The following STK33 variants were observed in gnomAD, a reference collection of about 807,000 sequenced individuals.
STK33 encodes the protein serine/threonine-protein kinase 33.
A neutral mutation model predicts 58.0 loss-of-function variants in STK33; 52 were observed. That is an observed-to-expected ratio of 0.90 (90% confidence interval 0.72 to 1.13). The LOEUF is 1.13. STK33 is among the 50% of genes most tolerant of loss of function. STK33 has a pLI of 0.00. For missense variants in STK33, 630 were observed against 604.2 expected, an observed-to-expected ratio of 1.04 and a Z score of -0.45; for synonymous variants, 215 against 200.1, an observed-to-expected ratio of 1.07 and a Z score of -0.63.
chr11:8,464,551 C>G (rs1390477604), intron 7 of STK33, among the ~76,000 whole-genome samples, 158 bp downstream of exon 7: 3 of 152,110 alleles, frequency 2.0e-5, no homozygotes, highest in Non-Finnish European at 2.9e-5. Flanking sequence ...TAGTCCCTTT[C>G]CGGGAGGCTA....
the STK33 span, among the ~76,000 whole-genome samples, chr11:8,366,187 G>A: frequency 6.6e-6 from 1 of 152,244 alleles, no homozygotes; most frequent in Admixed American, 6.5e-5. Context: ...TAGGCCTGGA[G>A]TGGGCCCATC....
At chr11:8,546,882 C>T (rs1955963733) in intron 1 of STK33, among the ~76,000 whole-genome samples, 1 of 152,164 alleles carries the variant, frequency 6.6e-6, no homozygotes, top group African/African-American at 2.4e-5. Context: ...GTAAATAGTG[C>T]TGCAATAAAC....
chr11:8,591,965 A>T (rs1477140847), intron 1 of STK33, among the ~76,000 whole-genome samples: 2 of 152,038 alleles, frequency 1.3e-5, no homozygotes, highest in African/African-American at 4.8e-5. Flanking sequence ...GTGCACATGT[A>T]CCCTAAAACT....
chr11:8,394,416 T>G (rs760919850), intron 15 of STK33, among the ~76,000 whole-genome samples: 1 of 152,248 alleles, frequency 6.6e-6, no homozygotes, highest in Non-Finnish European at 1.5e-5. Context: ...TACTTGGATT[T>G]TGAGTTATCA....
At chr11:8,530,087 G>C (rs1007448833) in intron 1 of STK33, among the ~76,000 whole-genome samples, 1 of 152,184 alleles carries the variant, frequency 6.6e-6, no homozygotes, top group Non-Finnish European at 1.5e-5. Flanking sequence ...GGATGGAAGA[G>C]AGGCTTTGCA....
intron 1 of STK33, among the ~76,000 whole-genome samples, chr11:8,550,810 T>C (rs1178826057): frequency 6.6e-6 from 1 of 152,156 alleles, no homozygotes; most frequent in Non-Finnish European, 1.5e-5. Flanking sequence ...ATTCCAAACT[T>C]TCCCACATTT....
chr11:8,426,351 C>T (rs1052166116), intron 14 of STK33, among the ~76,000 whole-genome samples: 14 of 152,224 alleles, frequency 9.2e-5, no homozygotes, highest in Admixed American at 5.2e-4. Context: ...TGTCCAGCTG[C>T]TTGTGCGTCT....
intron 14 of STK33, among the ~76,000 whole-genome samples, chr11:8,434,928 C>G (rs1943880359): frequency 6.6e-6 from 1 of 152,182 alleles, no homozygotes; most frequent in Admixed American, 6.6e-5. Context: ...GAGGGATAAG[C>G]AGTAGCCTTT....
intron 7 of STK33, 53 bp downstream of exon 7, chr11:8,464,656 C>T (rs1947952236): frequency 6.0e-6 from 8 of 1,340,954 alleles, no homozygotes; most frequent in Non-Finnish European, 8.6e-6. Context: ...ACTGTCCACA[C>T]CCACCCTGCA....
intron 8 of STK33, among the ~76,000 whole-genome samples, chr11:8,459,635 G>A (rs1442017968): frequency 1.3e-5 from 2 of 152,128 alleles, no homozygotes; most frequent in Non-Finnish European, 2.9e-5. Flanking sequence ...CTAGCTTGCT[G>A]TCTAGGGAGT....
intron 1 of STK33, among the ~76,000 whole-genome samples, chr11:8,579,998 A>ACCAAGC (rs2029869530): frequency 6.6e-6 from 1 of 152,196 alleles, no homozygotes; most frequent in Non-Finnish European, 1.5e-5. Context: ...AGAAAAGGGA[A>ACCAAGC]CCTTCATACA....
chr11:8,405,856 G>A (rs574482641), intron 15 of STK33, among the ~76,000 whole-genome samples: 16 of 152,062 alleles, frequency 1.1e-4, no homozygotes, highest in African/African-American at 1.4e-4. Context: ...AAAATCAACT[G>A]ACTGGGCCGG....
At chr11:8,592,142 A>G (rs2032710405) in intron 1 of STK33, among the ~76,000 whole-genome samples, 1 of 152,160 alleles carries the variant, frequency 6.6e-6, no homozygotes, top group South Asian at 2.1e-4. Context: ...TTGCCCCAGG[A>G]AACAGACTAT....
In STK33 at chr11:8,534,602, C is replaced by G. The variant is rs372562309; in HGVS notation, c.-465-53988G>C. Among the ~76,000 whole-genome samples, 24 of 104,908 alleles carry G rather than the reference C, an allele frequency of 2.3e-4. No homozygotes were observed. The East Asian group carries it at 4.0e-3, about 17-fold the overall frequency. 68.8% of individuals were successfully genotyped at this position (104,908 alleles called of 152,430 possible). ...TGTGTGTGTGTGTGTGTGTGTGTGT[C>G]AAGGTAAATTTTTTCATACTGAGGT... On this transcript the variant is annotated intron_variant, in intron 1 of 15. Coordinates refer to ENST00000687296, the MANE Select transcript of STK33 (RefSeq NM_001352389.2).
In STK33 at chr11:8,392,208, G is replaced by A. The variant is rs749727538; in HGVS notation, c.*302C>T. The stretch of plus-strand genomic sequence containing the variant: ...ATTTGAAGTAAAAATGAGCAAGTGT[G>A]CCCACAGCCTTAAATTGAAGGTATC... On this transcript the variant is annotated 3_prime_UTR_variant, in exon 16 of 16. Transcript: ENST00000687296. 1.1e-5 allele frequency: 4 copies of A among 367,822 alleles called. No individual in the cohort carries two copies. The highest frequency in any genetic ancestry group is 2.1e-5 in the African/African-American group (1 of 48,762). The allele number at this position is 367,822 out of a possible 1,614,324, so 22.8% of individuals were successfully genotyped here. A position where few individuals can be genotyped will look rare whatever the true frequency, so the allele number is the denominator to read the frequency against.
At chr11:8,407,829 T>C (rs998503407) in intron 15 of STK33, among the ~76,000 whole-genome samples, 2 of 152,062 alleles carry the variant, frequency 1.3e-5, no homozygotes, top group Non-Finnish European at 2.9e-5. Context: ...ATTTACAGAT[T>C]CACAGAGCTC....
At position 8,402,558 on chromosome 11, in the gene STK33, A is replaced by G. The variant is rs140010817; in HGVS notation, c.1345-9848T>C. Reference sequence around the variant, plus strand: ...TGCAGCACACCAACATGGCACATGTATACATATGTAACAAACCTGCATGTT... The same window carrying G: ...TGCAGCACACCAACATGGCACATGTGTACATATGTAACAAACCTGCATGTT... On this transcript the variant is annotated intron_variant, in intron 15 of 15. Transcript: ENST00000687296. 9.9e-3 allele frequency among the ~76,000 whole-genome samples: 1,502 copies of G among 152,328 alleles called. 13 individuals are homozygous for G. Among genetic ancestry groups the G allele is most frequent in the Non-Finnish European group, 0.017 (1,187 of 68,032 alleles).
the STK33 span, among the ~76,000 whole-genome samples, chr11:8,346,983 C>T: frequency 1.3e-5 from 2 of 152,196 alleles, no homozygotes; most frequent in African/African-American, 2.4e-5. Context: ...AGCTCATATT[C>T]CCACAGATGA....
At chr11:8,477,079 A>C (rs1435373885) in intron 3 of STK33, among the ~76,000 whole-genome samples, 171 bp downstream of exon 3, 8 of 151,894 alleles carry the variant, frequency 5.3e-5, no homozygotes, top group African/African-American at 1.9e-4. Context: ...GGACAGGTAC[A>C]TTAAAAGTGC....
Sources: gnomAD v4.1 joint callset for allele counts (sites outside exome capture counted in the v4.1 genomes callset) on GRCh38, gnomAD v4.1.1 for gene constraint, MANE v1.5 for transcripts, NCBI Gene and HGNC (gene_info 2026-07-23, HGNC 2026-07-21) for gene names.